The following EFHB variants were observed in gnomAD, a reference collection of about 807,000 sequenced individuals.
The protein encoded by EFHB is EF-hand domain family member B.
A neutral mutation model predicts 87.2 loss-of-function variants in EFHB; 91 were observed. That is an observed-to-expected ratio of 1.04 (90% CI 0.88 to 1.24). The LOEUF (loss-of-function observed/expected upper bound fraction) is 1.24. Among genes scored for constraint, EFHB ranks in the 50% most tolerant of loss-of-function variants. The pLI is 0.00. For synonymous variants in EFHB, 325 were observed against 333.6 expected (o/e 0.97, Z 0.28); for missense variants, 1,084 against 998.8 (o/e 1.09, Z -1.15).
chr3:19,941,161 G>C, intron 1 of EFHB: 2 of 390,368 alleles, frequency 5.1e-6, no homozygotes, highest in South Asian at 6.6e-5. Flanking sequence ...GATAAAAGTA[G>C]AACCACCATC....
intron 1 of EFHB, among the ~76,000 whole-genome samples, chr3:19,930,040 T>C (rs1181796781): frequency 6.6e-6 from 1 of 152,162 alleles, no homozygotes. Context: ...GACTCACAGG[T>C]TGCAATAAGG....
At chr3:19,917,733 G>A (rs1575031334) in intron 4 of EFHB, among the ~76,000 whole-genome samples, 2 of 152,270 alleles carry the variant, frequency 1.3e-5, no homozygotes, top group African/African-American at 4.8e-5. Flanking sequence ...AAATCAGAGT[G>A]GAAGTCAACT....
chr3:19,888,834 T>C (rs1035883439), intron 9 of EFHB, among the ~76,000 whole-genome samples, 183 bp from the exon 10 acceptor site: 1 of 152,248 alleles, frequency 6.6e-6, no homozygotes, highest in African/African-American at 2.4e-5. Flanking sequence ...TACCATGATA[T>C]GGGCTTGACA....
chr3:19,931,253 G>C (rs780337736), intron 1 of EFHB, among the ~76,000 whole-genome samples: 21 of 152,206 alleles, frequency 1.4e-4, no homozygotes, highest in Non-Finnish European at 2.8e-4. Context: ...GCCTATCAGA[G>C]ATGATTTAAC....
In EFHB at chr3:19,888,662, G is replaced by A; in HGVS notation, c.1726-11C>T. On this transcript the variant is annotated splice_polypyrimidine_tract_variant and intron_variant, in intron 9 of 12. Transcript: ENST00000295824. ...CATCCCATCTCCCTTCTGTTATACA[G>A]GAAGCAAAAGAACATAAAATGGGAG... 6.3e-7 allele frequency: 1 copy of A among 1,592,212 alleles called. No homozygotes were observed. Among genetic ancestry groups the A allele is most frequent in the Non-Finnish European group, 8.6e-7 (1 of 1,167,338 alleles).
intron 10 of EFHB, among the ~76,000 whole-genome samples, chr3:19,887,385 A>T (rs1219336914): frequency 5.2e-4 from 27 of 52,262 alleles, no homozygotes; most frequent in African/African-American, 4.9e-3. Context: ...ACCCTATCAA[A>T]AAAAAAAAAA....
At chr3:19,899,082 G>A (rs1694581775) in intron 7 of EFHB, among the ~76,000 whole-genome samples, 1 of 152,096 alleles carries the variant, frequency 6.6e-6, no homozygotes, top group African/African-American at 2.4e-5. Flanking sequence ...AGAACACACA[G>A]AACACATTCA....
intron 12 of EFHB, among the ~76,000 whole-genome samples, chr3:19,881,513 A>G (rs572122918): frequency 4.7e-4 from 71 of 152,306 alleles, no homozygotes; most frequent in African/African-American, 1.7e-3. Context: ...TGGAAACCCT[A>G]AAGTTCTATT....
At chr3:19,926,713 T>G (rs975741896) in intron 1 of EFHB, among the ~76,000 whole-genome samples, 7 of 150,206 alleles carry the variant, frequency 4.7e-5, no homozygotes, top group African/African-American at 1.7e-4. Flanking sequence ...CAGGCTGGAG[T>G]GCAATGGCAT....
At chr3:19,926,815 C>T (rs909498941) in intron 1 of EFHB, among the ~76,000 whole-genome samples, 34 of 152,102 alleles carry the variant, frequency 2.2e-4, no homozygotes, top group African/African-American at 8.0e-4. Flanking sequence ...CGCCTGTCAC[C>T]ACACCCGGCT....
intron 1 of EFHB, among the ~76,000 whole-genome samples, chr3:19,946,462 G>A (rs1696283363): frequency 6.6e-6 from 1 of 152,194 alleles, no homozygotes; most frequent in African/African-American, 2.4e-5. Flanking sequence ...AAGAGCGAAG[G>A]GAAATTCTGA....
rs1694819655 is a variant in EFHB, at chr3:19,905,705, A to G, written c.1333T>C (p.Cys445Arg). The stretch of plus-strand genomic sequence containing the variant: ...GGTGTTGGTACTCCATACACACTAC[A>G]CCTATGGAAACTTGATGGGTTATAC... ...RKYNPSSFHR[C>R]SVYGVPTPHF... Residue 445 changes from cysteine (C) to arginine (R), a missense_variant, in exon 6 of 13, where the codon TGT becomes CGT. Physicochemically the swap from Cys to Arg is radical, Grantham distance 180. Transcript: ENST00000295824. The G allele has an allele frequency of 1.2e-6, 2 of 1,613,510 alleles. No individual in the cohort carries two copies. Among genetic ancestry groups the G allele is most frequent in the Non-Finnish European group, 1.7e-6 (2 of 1,179,572 alleles).
At chr3:19,936,485 G>A (rs1696025086), upstream of EFHB, among the ~76,000 whole-genome samples, 1 of 152,080 alleles carries the variant, frequency 6.6e-6, no homozygotes, top group Admixed American at 6.6e-5. Flanking sequence ...GATCACTTGA[G>A]CCCAGGAATT....
At chr3:19,894,786 A>C (rs1694417993) in intron 9 of EFHB, 1 of 151,986 alleles carries the variant, frequency 6.6e-6, no homozygotes, top group African/African-American at 2.4e-5. Context: ...CAGGAGTTCA[A>C]GACCAGCCTG....
At chr3:19,918,777 C>T (rs1004984157) in intron 3 of EFHB, among the ~76,000 whole-genome samples, 4 of 150,148 alleles carry the variant, frequency 2.7e-5, no homozygotes, top group African/African-American at 9.9e-5. Flanking sequence ...GAGTTTGAGA[C>T]CAGCCTGGCC....
intron 3 of EFHB, 114 bp from the exon 4 acceptor site, chr3:19,918,526 C>A: frequency 1.0e-6 from 1 of 994,910 alleles, no homozygotes; most frequent in East Asian, 2.8e-5. Context: ...GAAAACATTT[C>A]ATTATCATTA....
rs763817641 is a variant in EFHB at position 19,906,409 on chromosome 3, T to TA, written c.1289-661dup. Reference sequence around the variant, plus strand: ...CACATAAAAGTCCATGGCATTTCTATAAAAAATAACAACCTAGACAAAAAA... The same window carrying TA: ...CACATAAAAGTCCATGGCATTTCTATAAAAAAATAACAACCTAGACAAAAAA... On this transcript the variant is annotated intron_variant, in intron 5 of 12. Coordinates refer to ENST00000295824, the MANE Select transcript of EFHB (RefSeq NM_144715.4). Among the ~76,000 whole-genome samples the TA allele has an allele frequency of 2.8e-4, 43 of 152,000 alleles. 1 individual carries two copies. The highest frequency in any genetic ancestry group is 1.3e-4 in the Admixed American group (2 of 15,230).
chr3:19,944,021 C>A (rs1696217584), intron 1 of EFHB, among the ~76,000 whole-genome samples: 1 of 152,176 alleles, frequency 6.6e-6, no homozygotes, highest in Non-Finnish European at 1.5e-5. Context: ...GAGCTGAAGC[C>A]TGAATGATGC....
chr3:19,914,353 T>C (rs1201718892), intron 5 of EFHB, among the ~76,000 whole-genome samples: 9 of 152,190 alleles, frequency 5.9e-5, no homozygotes, highest in Admixed American at 5.9e-4. Flanking sequence ...TCCATAGGGC[T>C]TTCTCAGGAC....
Sources: allele counts gnomAD v4.1 joint callset (sites outside exome capture counted in the v4.1 genomes callset), GRCh38; gene constraint gnomAD v4.1.1; transcripts MANE v1.5; gene names NCBI Gene and HGNC (gene_info 2026-07-23, HGNC 2026-07-21).